The following NGDN variants were observed in gnomAD, a reference collection of about 807,000 sequenced individuals.
The protein encoded by NGDN is neuroguidin.
NGDN carries 41 observed loss-of-function variants against 45.2 expected under a neutral mutation model. The observed-to-expected ratio is 0.91, with a 90% CI of 0.71 to 1.18. NGDN has a LOEUF of 1.18. Among genes scored for constraint, NGDN ranks in the 50% most tolerant of loss-of-function variants. The pLI is 0.00. For missense variants in NGDN, 402 were observed against 399.9 expected, an observed-to-expected ratio of 1.01 and a Z score of -0.05; for synonymous variants, 137 against 130.9, an observed-to-expected ratio of 1.05 and a Z score of -0.32.
chr14:23,473,899 G>A (rs148369966), intron 3 of NGDN, among the ~76,000 whole-genome samples: 2,698 of 152,058 alleles, frequency 0.018, 77 homozygotes, highest in African/African-American at 0.062. Flanking sequence ...TTAGCCGGGC[G>A]TGGTGGGAGG....
At chr14:23,477,847 A>T in intron 10 of NGDN, 160 bp from the exon 11 acceptor site, 3 of 1,501,178 alleles carry the variant, frequency 2.0e-6, no homozygotes, top group Non-Finnish European at 2.7e-6. Flanking sequence ...TCCCATTTCA[A>T]TTTTATTCCT....
intron 6 of NGDN, 70 bp from the exon 7 acceptor site, chr14:23,475,959 C>T (rs1486552522): frequency 6.3e-7 from 1 of 1,595,422 alleles, no homozygotes; most frequent in African/African-American, 1.3e-5. Flanking sequence ...CAGGGTACTC[C>T]AGCTTTGGGT....
rs774970600 is a variant in NGDN at position 23,475,743 on chromosome 14, C to G, written c.385C>G (p.Arg129Gly). Residue 129 changes from arginine (R) to glycine (G), a missense_variant, in exon 6 of 11, where the codon CGT becomes GGT. Arg to Gly is a moderately radical substitution (Grantham distance 125). Coordinates refer to ENST00000408901, the MANE Select transcript of NGDN (RefSeq NM_001042635.2). ...TGSLSENDPL[R>G]FKPHPSNMMS... is the part of the protein sequence containing the mutation. ...TATTTCAGGTGAGAATGACCCACTTCGTTTTAAGCCTCATCCCAGCAATAT... is the reference window on the plus strand; with the variant it reads ...TATTTCAGGTGAGAATGACCCACTTGGTTTTAAGCCTCATCCCAGCAATAT... 6.2e-7 allele frequency: 1 copy of G among 1,613,398 alleles called. No homozygotes were observed. The highest frequency in any genetic ancestry group is 1.3e-5 in the African/African-American group (1 of 74,892).
intron 4 of NGDN, 109 bp from the exon 5 acceptor site, chr14:23,475,449 C>G (rs1191887257): frequency 7.4e-7 from 1 of 1,350,094 alleles, no homozygotes; most frequent in Non-Finnish European, 1.0e-6. Context: ...TTCATTTGCT[C>G]TACTTTGTAC....
At position 23,472,182 on chromosome 14, in the gene NGDN, TAA is replaced by T. The variant is rs78085081; in HGVS notation, c.144+1226_144+1227del. On this transcript the variant is annotated intron_variant, in intron 3 of 10. Coordinates refer to ENST00000408901, the MANE Select transcript of NGDN (RefSeq NM_001042635.2). ...CCTGGGCAACAGAGTGAGACTGTCT[TAA>T]AAAAAAAAAAAAAAAAAAAAGGCCA... Among the ~76,000 whole-genome samples, 654 of 82,056 alleles carry T rather than the reference TAA, an allele frequency of 8.0e-3. 5 individuals are homozygous for T. Among genetic ancestry groups the T allele is most frequent in the African/African-American group, 0.029 (619 of 21,462 alleles). 53.8% of individuals were successfully genotyped at this position (82,056 alleles called of 152,430 possible). A position where few individuals can be genotyped will look rare whatever the true frequency, so the allele number is the denominator to read the frequency against.
rs369518332 is a variant in NGDN at position 23,477,989 on chromosome 14, G to C, written c.929-18G>C. The C allele has an allele frequency of 6.2e-6, 10 of 1,613,920 alleles. No homozygotes were observed. In the African/African-American group the frequency reaches 1.1e-4, roughly 17 times the overall value. On this transcript the variant is annotated intron_variant, in intron 10 of 10. Transcript: ENST00000408901. ...TCCAACTGTCCTTTGCCTCATTCTT[G>C]GTTTCCCTTCCTTTCAGGTTTTCGG...
chr14:23,475,107 A>C lies in NGDN; in HGVS notation c.145-64A>C, dbSNP rs1006990207. 4.9e-5 allele frequency: 75 copies of C among 1,528,068 alleles called. No individual in the cohort carries two copies. In the African/African-American group the frequency reaches 9.7e-4, roughly 20 times the overall value. The allele number at this position is 1,528,068 out of a possible 1,614,324, so 94.7% of individuals were successfully genotyped here. On this transcript the variant is annotated intron_variant, in intron 3 of 10. Coordinates refer to ENST00000408901, the MANE Select transcript of NGDN (RefSeq NM_001042635.2). ...CTTGGAAAAACATCCCGTTTACCCTAGGCTTTCATCTGGTTCTTTGGCTAA... is the reference window on the plus strand; with the variant it reads ...CTTGGAAAAACATCCCGTTTACCCTCGGCTTTCATCTGGTTCTTTGGCTAA...
In NGDN at chr14:23,471,667, C is replaced by T. The variant is rs118188495; in HGVS notation, c.144+690C>T. On this transcript the variant is annotated intron_variant, in intron 3 of 10. Coordinates refer to ENST00000408901, the MANE Select transcript of NGDN (RefSeq NM_001042635.2). ...GACCCTACAAAAGTTAAAAATTAGC[C>T]GGGCATGATGGCATGTGCCTGTAGT... 4.4e-3 allele frequency: 675 copies of T among 152,202 alleles called. 6 individuals are homozygous for T. Among genetic ancestry groups the T allele is most frequent in the South Asian group, 0.019 (90 of 4,828 alleles). 9.4% of individuals were successfully genotyped at this position (152,202 alleles called of 1,614,324 possible).
intron 10 of NGDN, 34 bp downstream of exon 10, chr14:23,477,594 G>A (rs774037810): frequency 1.2e-6 from 2 of 1,613,318 alleles, no homozygotes; most frequent in Admixed American, 1.7e-5. Context: ...GTGATCAGGT[G>A]CAAGGTGGGG....
Position 23,469,745 on chromosome 14 carries a change from T to A in NGDN, c.12+18T>A. The stretch of plus-strand genomic sequence containing the variant: ...CGGCGCTGGTGAGTTTGGTGTGGTT[T>A]CTTCCTCGCGTAGCTATTGTGGAGT... On this transcript the variant is annotated intron_variant, in intron 1 of 10. Coordinates refer to ENST00000408901, the MANE Select transcript of NGDN (RefSeq NM_001042635.2). 6.2e-7 allele frequency: 1 copy of A among 1,614,152 alleles called. No homozygotes were observed. Among genetic ancestry groups the A allele is most frequent in the Non-Finnish European group, 8.5e-7 (1 of 1,180,008 alleles).
At chr14:23,470,247 A>G in intron 2 of NGDN, 146 bp downstream of exon 2, 1 of 628,796 alleles carries the variant, frequency 1.6e-6, no homozygotes, top group Non-Finnish European at 2.8e-6. Flanking sequence ...TTCACGCCAG[A>G]ATTCTAAGTA....
intron 3 of NGDN, among the ~76,000 whole-genome samples, chr14:23,472,230 T>C (rs1893796928): frequency 7.0e-6 from 1 of 143,456 alleles, no homozygotes; most frequent in Non-Finnish European, 1.5e-5. Context: ...AAAAGGTGGC[T>C]CACACCTATA....
chr14:23,470,108 A>G lies in NGDN; in HGVS notation c.72+7A>G. The stretch of plus-strand genomic sequence containing the variant: ...GAAAAATCTCCAGGAGCAAGTGAGT[A>G]GTGTCGCCTCTGGAATAAATTAGTC... On this transcript the variant is annotated splice_region_variant and intron_variant, in intron 2 of 10. Coordinates refer to ENST00000408901, the MANE Select transcript of NGDN (RefSeq NM_001042635.2). 2 of 1,613,352 alleles carry G rather than the reference A, an allele frequency of 1.2e-6. No individual in the cohort carries two copies. Among genetic ancestry groups the G allele is most frequent in the Non-Finnish European group, 1.7e-6 (2 of 1,179,296 alleles).
chr14:23,476,216 C>G (rs754842033), intron 7 of NGDN, 23 bp from the exon 8 acceptor site: 6 of 1,613,812 alleles, frequency 3.7e-6, no homozygotes, highest in Non-Finnish European at 5.1e-6. Context: ...TCTTGGATAA[C>G]CCTGCTTATT....
chr14:23,475,412 A>C (rs559379616), intron 4 of NGDN, 104 bp downstream of exon 4: 2 of 1,384,140 alleles, frequency 1.4e-6, no homozygotes, highest in Non-Finnish European at 2.0e-6. Context: ...TGTTTAAGGA[A>C]ACCAAATGAG....
chr14:23,469,885 A>G lies in NGDN; in HGVS notation c.13-157A>G, dbSNP rs547241686. 14 of 1,251,602 alleles carry G rather than the reference A, an allele frequency of 1.1e-5. No homozygotes were observed. In the East Asian group the frequency reaches 2.6e-4, roughly 23 times the overall value. The allele number at this position is 1,251,602 out of a possible 1,614,324, so 77.5% of individuals were successfully genotyped here. ...GTTACCGTTCCTGTCCGGTAACCCA[A>G]GGGGCTGGCTTTAAGGCGAGTCTGT... On this transcript the variant is annotated intron_variant, in intron 1 of 10. Coordinates refer to ENST00000408901, the MANE Select transcript of NGDN (RefSeq NM_001042635.2).
At chr14:23,473,038 C>T (rs199528528) in intron 3 of NGDN, among the ~76,000 whole-genome samples, 5 of 152,098 alleles carry the variant, frequency 3.3e-5, no homozygotes, top group East Asian at 3.9e-4. Flanking sequence ...CTCCCTCTGT[C>T]GCCCCGGCTG....
Position 23,475,617 on chromosome 14 carries a change from C to T in NGDN, c.342C>T (p.Ile114=), listed in dbSNP as rs781225861. The part of the protein sequence containing the change: ...QKLKYQIDKL[I]KTAVTGSLSE... ...TGAAGTATCAAATTGACAAGCTGAT[C>T]AAGACTGCAGTGACAGGCAGCCTTA... Residue 114 remains isoleucine, a synonymous_variant, in exon 5 of 11, where the codon ATC becomes ATT. Transcript: ENST00000408901. 1 of 1,614,162 alleles carries T rather than the reference C, an allele frequency of 6.2e-7. No homozygotes were observed. The highest frequency in any genetic ancestry group is 1.3e-5 in the African/African-American group (1 of 75,038).
rs777416712 is a variant in NGDN, at chr14:23,477,561, G to A, written c.928+1G>A. 33 of 1,614,118 alleles carry A rather than the reference G, an allele frequency of 2.0e-5. No homozygotes were observed. In the South Asian group the frequency reaches 3.5e-4, roughly 17 times the overall value. ...CCTCAGAAAGGTCGGAAGAAAAAAGGTCAGTGAACTGCTGGGACTTAGGTG... is the reference window on the plus strand; with the variant it reads ...CCTCAGAAAGGTCGGAAGAAAAAAGATCAGTGAACTGCTGGGACTTAGGTG... On this transcript the variant is annotated splice_donor_variant, in intron 10 of 10. Coordinates refer to ENST00000408901, the MANE Select transcript of NGDN (RefSeq NM_001042635.2). LOFTEE classifies it high-confidence loss of function.
Sources: gnomAD v4.1 joint callset for allele counts (sites outside exome capture counted in the v4.1 genomes callset) on GRCh38, gnomAD v4.1.1 for gene constraint, MANE v1.5 for transcripts, NCBI Gene and HGNC (gene_info 2026-07-23, HGNC 2026-07-21) for gene names.